WNK1: variants seen among roughly 807,000 people sequenced by gnomAD.
WNK1 encodes the protein WNK lysine deficient protein kinase 1, also known as serine/threonine-protein kinase WNK1.
In WNK1, 38 loss-of-function variants were observed where a neutral mutation model predicts 222.8. The observed-to-expected ratio is 0.17, with a 90% CI of 0.13 to 0.22. The LOEUF (loss-of-function observed/expected upper bound fraction) is 0.22. WNK1 is among the 10% of genes least tolerant of loss of function. WNK1 has a pLI of 1.00. For missense variants in WNK1, 2,348 were observed against 2,918.4 expected (o/e 0.80, Z 4.50); for synonymous variants, 1,090 against 1,092.9 (o/e 1.00, Z 0.05).
At chr12:801,540 C>T (rs905457953) in intron 1 of WNK1, among the ~76,000 whole-genome samples, 10 of 150,650 alleles carry the variant, frequency 6.6e-5, no homozygotes, top group Non-Finnish European at 1.5e-4. Context: ...TACCCAGTAG[C>T]TGGGACTACA....
chr12:817,658 G>T (rs1454837117), intron 2 of WNK1, among the ~76,000 whole-genome samples: 1 of 152,104 alleles, frequency 6.6e-6, no homozygotes, highest in African/African-American at 2.4e-5. Context: ...TTGGATTAAG[G>T]CCAGGCGTGG....
At chr12:789,698 T>A (rs1208657423) in intron 1 of WNK1, among the ~76,000 whole-genome samples, 1 of 152,158 alleles carries the variant, frequency 6.6e-6, no homozygotes, top group Non-Finnish European at 1.5e-5. Flanking sequence ...CTAAGTTTTT[T>A]AAAGAACTTC....
At position 885,182 on chromosome 12, in the gene WNK1, G is replaced by A; in HGVS notation, c.4378G>A (p.Ala1460Thr). Residue 1460 changes from alanine to threonine, a missense_variant, in exon 19 of 28, where the codon GCA becomes ACA. Physicochemically the swap from Ala to Thr is moderately conservative, Grantham distance 58 (BLOSUM62 0). Around this residue, in one of 13 missense-constraint regions of WNK1, gnomAD observed 1,144 missense variants for 1,273.6 expected, o/e 0.90. Transcript: ENST00000315939. ...AACAGTTTCAGCAACTTCAGCCTCTGCAGGGGGCAGTACTGCTACCCCAGG... is the reference window on the plus strand; with the variant it reads ...AACAGTTTCAGCAACTTCAGCCTCTACAGGGGGCAGTACTGCTACCCCAGG... ...SVTVSATSASAGGSTATPGPK... is the reference protein window; with the variant it reads ...SVTVSATSASTGGSTATPGPK... The A allele has an allele frequency of 6.2e-7, 1 of 1,614,180 alleles. No individual in the cohort carries two copies. The highest frequency in any genetic ancestry group is 8.5e-7 in the Non-Finnish European group (1 of 1,180,036).
At chr12:849,115 G>C (rs1950237085) in intron 4 of WNK1, among the ~76,000 whole-genome samples, 1 of 152,176 alleles carries the variant, frequency 6.6e-6, no homozygotes, top group Non-Finnish European at 1.5e-5. Context: ...CTGCATTTCT[G>C]AGCAATACCT....
chr12:851,951 G>T lies in WNK1; in HGVS notation c.1312-5210G>T, dbSNP rs1044190873. ...AGTTCTGTAATTTAGTGAATTTATG[G>T]TGTATTCTGTGTGAGGAGGGGGTAG... On this transcript the variant is annotated intron_variant, in intron 4 of 27. Transcript: ENST00000315939. Among the ~76,000 whole-genome samples, 5 of 152,140 alleles carry T rather than the reference G, an allele frequency of 3.3e-5. No homozygotes were observed. The East Asian group carries it at 9.6e-4, about 29-fold the overall frequency.
chr12:818,923 T>C (rs1334767022), intron 2 of WNK1, among the ~76,000 whole-genome samples: 2 of 152,264 alleles, frequency 1.3e-5, no homozygotes, highest in African/African-American at 2.4e-5. Flanking sequence ...ACTGCTGCTA[T>C]GAATATTTGT....
At chr12:875,098 G>A (rs1031963711) in intron 9 of WNK1, among the ~76,000 whole-genome samples, 1 of 152,156 alleles carries the variant, frequency 6.6e-6, no homozygotes, top group African/African-American at 2.4e-5. Context: ...AAAAACAAAT[G>A]TGCCTTTAGT....
At chr12:834,261 GT>G (rs1949017801) in intron 4 of WNK1, among the ~76,000 whole-genome samples, 1 of 152,202 alleles carries the variant, frequency 6.6e-6, no homozygotes, top group Non-Finnish European at 1.5e-5. Context: ...TTGCTACTTA[GT>G]TTCTCCTGCT....
In WNK1 at chr12:907,970, A is replaced by G. The variant is rs761048329; in HGVS notation, c.6767A>G (p.Asn2256Ser). The G allele has an allele frequency of 3.7e-6, 6 of 1,614,176 alleles. No homozygotes were observed. The highest frequency in any genetic ancestry group is 4.2e-6 in the Non-Finnish European group (5 of 1,180,028). Reference protein sequence around the residue: ...FTDDLHKLVDNWARDAMNLSG... With the variant: ...FTDDLHKLVDSWARDAMNLSG... ...GATGACTTGCACAAGTTGGTAGACA[A>G]TTGGGCCCGAGATGCCATGAATCTC... Residue 2256 changes from asparagine to serine, a missense_variant, in exon 27 of 28, where the codon AAT becomes AGT. By Grantham distance (46) the Asn-to-Ser change is conservative. Around this residue, in one of 13 missense-constraint regions of WNK1, gnomAD observed 55 missense variants for 104.1 expected, o/e 0.53. Transcript: ENST00000315939.
At chr12:870,342 A>G (rs918225104) in intron 8 of WNK1, among the ~76,000 whole-genome samples, 1 of 152,214 alleles carries the variant, frequency 6.6e-6, no homozygotes, top group African/African-American at 2.4e-5. Context: ...TTTCCAAAGT[A>G]AAAAATACCA....
At chr12:819,317 T>G (rs146302474) in intron 2 of WNK1, among the ~76,000 whole-genome samples, 3 of 152,312 alleles carry the variant, frequency 2.0e-5, no homozygotes, top group African/African-American at 7.2e-5. Flanking sequence ...TAATGTTCTA[T>G]GATGTACAGA....
chr12:771,968 C>CT lies in WNK1; in HGVS notation c.759+17655dup, dbSNP rs36118220. Among the ~76,000 whole-genome samples, 989 of 145,924 alleles carry CT rather than the reference C, an allele frequency of 6.8e-3. 9 individuals are homozygous for CT. Among genetic ancestry groups the CT allele is most frequent in the African/African-American group, 0.019 (767 of 40,082 alleles). ...TTAATTTAAGGACTGCAGAAGCTTA[C>CT]TTTTTTTTTTTGCATAAGGGCCTTT... On this transcript the variant is annotated intron_variant, in intron 1 of 27. Transcript: ENST00000315939.
intron 26 of WNK1, among the ~76,000 whole-genome samples, chr12:905,273 A>G (rs1231089527): frequency 6.6e-6 from 1 of 152,164 alleles, no homozygotes; most frequent in Admixed American, 6.5e-5. Context: ...TCAGAAAATG[A>G]TAGGTTTGTT....
At chr12:876,726 G>A (rs892608670) in intron 9 of WNK1, among the ~76,000 whole-genome samples, 1 of 152,124 alleles carries the variant, frequency 6.6e-6, no homozygotes, top group Non-Finnish European at 1.5e-5. Context: ...CAACCAAAGT[G>A]TTTATCATTA....
chr12:766,666 A>T (rs1339782705), intron 1 of WNK1, among the ~76,000 whole-genome samples: 2 of 151,676 alleles, frequency 1.3e-5, no homozygotes, highest in Non-Finnish European at 2.9e-5. Flanking sequence ...TTTAGTAGAG[A>T]CGAGGTTTCA....
At chr12:791,243 A>G (rs1183004627) in intron 1 of WNK1, among the ~76,000 whole-genome samples, 1 of 151,984 alleles carries the variant, frequency 6.6e-6, no homozygotes, top group East Asian at 1.9e-4. Context: ...ACACACACAC[A>G]CACACACACA....
At position 809,814 on chromosome 12, in the gene WNK1, T is replaced by C. The variant is rs79957833; in HGVS notation, c.760-3828T>C. ...TTTCTTTTAACACATAGAATAATTC[T>C]TTAAAAAATTGTTTTCTCTGTAAAC... On this transcript the variant is annotated intron_variant, in intron 1 of 27. Transcript: ENST00000315939. Among the ~76,000 whole-genome samples the C allele has an allele frequency of 1.8e-3, 275 of 152,316 alleles. 6 individuals are homozygous for C. The East Asian group carries it at 0.048, about 26-fold the overall frequency.
rs144675739 is a variant in WNK1, at chr12:862,108, G to A, written c.1977G>A (p.Gln659=). The A allele has an allele frequency of 3.5e-5, 56 of 1,613,852 alleles. No individual in the cohort carries two copies. The highest frequency in any genetic ancestry group is 4.7e-5 in the Non-Finnish European group (55 of 1,179,964). The change falls in exon 8 of 28, where the codon CAG becomes CAA. Residue 659 remains glutamine, a synonymous_variant. Coordinates refer to ENST00000315939, the MANE Select transcript of WNK1 (RefSeq NM_018979.4). ...CTGATGGGACGGTTGACAGTGGTCA[G>A]GGATCCTCTGTCTTCACAGAATCTC... ...VLSDGTVDSG[Q]GSSVFTESRV... is the part of the protein sequence containing the mutation.
At position 885,288 on chromosome 12, in the gene WNK1, C is replaced by G. The variant is rs760474824; in HGVS notation, c.4484C>G (p.Thr1495Ser). ...VGATLTSVST[T>S]TSFPSTASQL... ...GCCACATTAACATCAGTTTCTACCACCACTTCATTCCCAAGCACAGCTTCA... is the reference window on the plus strand; with the variant it reads ...GCCACATTAACATCAGTTTCTACCAGCACTTCATTCCCAAGCACAGCTTCA... The change falls in exon 19 of 28, where the codon ACC becomes AGC. Residue 1495 changes from threonine to serine, a missense_variant. By Grantham distance (58) the Thr-to-Ser change is moderately conservative. This residue lies in a region of WNK1 where 1,144 missense variants were observed against 1,273.6 expected (regional missense o/e 0.90). Transcript: ENST00000315939. The G allele has an allele frequency of 1.2e-6, 2 of 1,614,196 alleles. No homozygotes were observed. Among genetic ancestry groups the G allele is most frequent in the Non-Finnish European group, 1.7e-6 (2 of 1,180,036 alleles).
Sources: gnomAD v4.1 joint callset for allele counts (sites outside exome capture counted in the v4.1 genomes callset) on GRCh38, gnomAD v4.1.1 for gene constraint, gnomAD v4.1.1 regional missense constraint, MANE v1.5 for transcripts, NCBI Gene and HGNC (gene_info 2026-07-23, HGNC 2026-07-21) for gene names.